The following PLCG2 variants were observed in gnomAD, a reference collection of about 807,000 sequenced individuals.
The protein encoded by PLCG2 is 1-phosphatidylinositol 4,5-bisphosphate phosphodiesterase gamma-2.
In PLCG2, 69 loss-of-function variants were observed where a neutral mutation model predicts 175.6. That is an observed-to-expected ratio of 0.39 (90% CI 0.32 to 0.48). PLCG2 has a LOEUF of 0.48. Ranked by LOEUF, PLCG2 falls within the 20% of genes least tolerant of loss-of-function variation. The pLI is 0.91. For missense variants in PLCG2, 1,798 were observed against 1,650.9 expected (o/e 1.09, Z -1.54); for synonymous variants, 827 against 624.0 (o/e 1.33, Z -4.85).
intron 31 of PLCG2, among the ~76,000 whole-genome samples, chr16:81,954,784 G>T (rs1228304282): frequency 2.0e-5 from 3 of 152,088 alleles, no homozygotes; most frequent in Non-Finnish European, 4.4e-5. Flanking sequence ...GTTGTACATG[G>T]TGCTGCAGTA....
chr16:81,740,503 G>C (rs1396802717), intron 1 of PLCG2: 2 of 152,086 alleles, frequency 1.3e-5, no homozygotes, highest in African/African-American at 4.8e-5. Flanking sequence ...GCACTTTGGA[G>C]TCCCAAGCAG....
intron 1 of PLCG2, among the ~76,000 whole-genome samples, chr16:81,783,666 A>C (rs1450356580): frequency 6.6e-6 from 1 of 152,200 alleles, no homozygotes; most frequent in East Asian, 1.9e-4. Context: ...GACGAACCAG[A>C]CACAACAGGT....
At chr16:81,754,668 G>A (rs28683618) in intron 1 of PLCG2, among the ~76,000 whole-genome samples, 5 of 151,010 alleles carry the variant, frequency 3.3e-5, no homozygotes, top group Admixed American at 2.0e-4. Flanking sequence ...CCATGGCAGA[G>A]CTCACTAGTG....
intron 15 of PLCG2, chr16:81,906,067 G>C (rs1258325617): frequency 1.0e-5 from 1 of 95,324 alleles, no homozygotes; most frequent in Admixed American, 1.4e-4. Context: ...CCCTTACCAA[G>C]CTTCTCCAAA....
intron 2 of PLCG2, among the ~76,000 whole-genome samples, chr16:81,771,569 C>G (rs1251380474): frequency 6.6e-5 from 10 of 152,074 alleles, no homozygotes; most frequent in Admixed American, 5.9e-4. Context: ...TCAGCTCTTG[C>G]CATTCTGTGA....
Position 81,957,936 on chromosome 16 carries a change from T to A in PLCG2, c.3756-20T>A, listed in dbSNP as rs762802134. On this transcript the variant is annotated intron_variant, in intron 32 of 32. Coordinates refer to ENST00000564138, the MANE Select transcript of PLCG2 (RefSeq NM_002661.5). ...ATTTCTCATGGCCCACTGCTGATGG[T>A]GAAATCTGTTTTATTTCAGGTTAAG... 3.1e-6 allele frequency: 5 copies of A among 1,612,314 alleles called. No individual in the cohort carries two copies. The Middle Eastern group carries it at 6.6e-4, about 213-fold the overall frequency.
At chr16:81,933,686 C>T (rs1910596198) in intron 25 of PLCG2, among the ~76,000 whole-genome samples, 1 of 152,082 alleles carries the variant, frequency 6.6e-6, no homozygotes, top group African/African-American at 2.4e-5. Flanking sequence ...GGTAATATCC[C>T]TCAAGTGCTT....
intron 19 of PLCG2, among the ~76,000 whole-genome samples, chr16:81,916,589 T>G (rs80195425): frequency 0.32 from 24,131 of 75,660 alleles, 2,681 homozygotes; most frequent in African/African-American, 0.43. Context: ...CATTTTTTTT[T>G]TGTGTGTGGT....
At chr16:81,938,962 G>C (rs969947060) in intron 29 of PLCG2, 47 bp downstream of exon 29, 3 of 1,107,798 alleles carry the variant, frequency 2.7e-6, no homozygotes, top group Non-Finnish European at 4.1e-6. Context: ...TCCGGCCAGT[G>C]AATCCTTTGT....
chr16:81,897,550 T>TTTCTTTTC (rs1395924567), intron 13 of PLCG2, among the ~76,000 whole-genome samples: 13 of 76,034 alleles, frequency 1.7e-4, no homozygotes, highest in African/African-American at 9.4e-4. Flanking sequence ...TTTCTTTTCT[T>TTTCTTTTC]TTTTTTTTTT....
intron 2 of PLCG2, among the ~76,000 whole-genome samples, chr16:81,771,645 A>G (rs1355732196): frequency 6.6e-6 from 1 of 152,170 alleles, no homozygotes; most frequent in African/African-American, 2.4e-5. Flanking sequence ...TTTGCCTAAT[A>G]TAGGGTACAG....
At chr16:81,796,576 C>A (rs1006622668) in intron 2 of PLCG2, among the ~76,000 whole-genome samples, 17 of 152,306 alleles carry the variant, frequency 1.1e-4, no homozygotes, top group Non-Finnish European at 2.1e-4. Flanking sequence ...AATCCCCATA[C>A]TCAGAATGTG....
intron 2 of PLCG2, among the ~76,000 whole-genome samples, chr16:81,790,974 G>C (rs897463541): frequency 6.6e-6 from 1 of 152,200 alleles, no homozygotes; most frequent in Non-Finnish European, 1.5e-5. Context: ...AACTGCTCTA[G>C]AGTCATGTGT....
intron 2 of PLCG2, among the ~76,000 whole-genome samples, chr16:81,839,641 T>G (rs1278462889): frequency 1.3e-5 from 2 of 152,204 alleles, no homozygotes; most frequent in African/African-American, 2.4e-5. Context: ...CAGGTATGTA[T>G]TTTTTCAATA....
At chr16:81,853,201 C>A (rs1430769116) in intron 2 of PLCG2, among the ~76,000 whole-genome samples, 1 of 152,102 alleles carries the variant, frequency 6.6e-6, no homozygotes, top group Non-Finnish European at 1.5e-5. Flanking sequence ...CATGGTGGCA[C>A]ATGCCTGTAA....
chr16:81,956,063 C>A (rs1392297108), intron 31 of PLCG2, among the ~76,000 whole-genome samples: 1 of 152,240 alleles, frequency 6.6e-6, no homozygotes, highest in Non-Finnish European at 1.5e-5. Context: ...CTGCCACTCA[C>A]TCCATCCCCC....
At chr16:81,787,196 C>A (rs1315815689) in intron 2 of PLCG2, among the ~76,000 whole-genome samples, 1 of 150,028 alleles carries the variant, frequency 6.7e-6, no homozygotes, top group Non-Finnish European at 1.5e-5. Flanking sequence ...TTCGAAGTGA[C>A]TATCATTGTA....
upstream of PLCG2, among the ~76,000 whole-genome samples, chr16:81,777,021 A>G (rs1355603291): frequency 4.0e-5 from 6 of 151,860 alleles, no homozygotes; most frequent in Admixed American, 3.9e-4. Context: ...AATTAAAAAC[A>G]TGAAAGAAAA....
chr16:81,879,535 G>A (rs149492104), intron 7 of PLCG2, among the ~76,000 whole-genome samples: 3 of 152,224 alleles, frequency 2.0e-5, no homozygotes, highest in South Asian at 2.1e-4. Flanking sequence ...AGAGGCCTGC[G>A]ATTCCCTTTC....
Sources: allele counts gnomAD v4.1 joint callset (sites outside exome capture counted in the v4.1 genomes callset), GRCh38; gene constraint gnomAD v4.1.1; transcripts MANE v1.5; gene names NCBI Gene and HGNC (gene_info 2026-07-23, HGNC 2026-07-21).